The following SEC14L5 variants were observed in gnomAD, a reference collection of about 807,000 sequenced individuals.
SEC14L5 encodes the protein SEC14-like protein 5.
SEC14L5 carries 96 observed loss-of-function variants against 84.6 expected under a neutral mutation model. That is an observed-to-expected ratio of 1.13 (90% CI 0.96 to 1.34). SEC14L5 has a LOEUF of 1.34. Among genes scored for constraint, SEC14L5 ranks in the 40% most tolerant of loss-of-function variants. The pLI, the probability that SEC14L5 is intolerant of heterozygous loss-of-function variation, is 0.00. For missense variants in SEC14L5, 1,224 were observed against 942.5 expected, an observed-to-expected ratio of 1.30 and a Z score of -3.91; for synonymous variants, 546 against 383.4, an observed-to-expected ratio of 1.42 and a Z score of -4.95.
intron 6 of SEC14L5, 35 bp from the exon 7 acceptor site, chr16:4,996,313 C>G: frequency 8.1e-7 from 1 of 1,239,792 alleles, no homozygotes. Context: ...CGCAGCGTCT[C>G]CCTCTTGTCC....
intron 15 of SEC14L5, 25 bp from the exon 16 acceptor site, chr16:5,014,834 C>A: frequency 6.3e-7 from 1 of 1,574,824 alleles, no homozygotes; most frequent in Non-Finnish European, 8.7e-7. Flanking sequence ...GAGAGGGTAA[C>A]GTGTGCCACG....
At chr16:4,967,292 C>G (rs1360084870) in intron 2 of SEC14L5, among the ~76,000 whole-genome samples, 1 of 152,180 alleles carries the variant, frequency 6.6e-6, no homozygotes. Context: ...CACATAATGA[C>G]TCACTGTGTC....
chr16:4,996,725 C>T, intron 7 of SEC14L5, 130 bp from the exon 8 acceptor site: 2 of 725,952 alleles, frequency 2.8e-6, no homozygotes, highest in South Asian at 1.9e-5. Flanking sequence ...GCGCACACCA[C>T]CACGCCTGGC....
chr16:4,966,057 AAAAAATGTT>A (rs903807942), intron 2 of SEC14L5, among the ~76,000 whole-genome samples: 5 of 152,274 alleles, frequency 3.3e-5, no homozygotes, highest in South Asian at 4.2e-4. Flanking sequence ...ATAAAATTAA[AAAAAATGTT>A]AAAAATGTTA....
intron 2 of SEC14L5, among the ~76,000 whole-genome samples, chr16:4,981,255 GTTTTTTTTTTTTT>G (rs58882220): frequency 3.1e-4 from 29 of 92,902 alleles, no homozygotes; most frequent in Non-Finnish European, 2.3e-4. Context: ...TAGCTAATTG[GTTTTTTTTTTTTT>G]TTTTTTTTTT....
At chr16:4,966,653 G>A (rs1468216409) in intron 2 of SEC14L5, among the ~76,000 whole-genome samples, 2 of 152,064 alleles carry the variant, frequency 1.3e-5, no homozygotes, top group African/African-American at 2.4e-5. Flanking sequence ...CAGCCCATTC[G>A]ACAGAGGAGG....
intron 2 of SEC14L5, among the ~76,000 whole-genome samples, chr16:4,979,973 T>C (rs146700796): frequency 9.9e-5 from 15 of 152,134 alleles, no homozygotes; most frequent in African/African-American, 3.4e-4. Flanking sequence ...CACCGATGCT[T>C]GTGACGTAGC....
In SEC14L5 at chr16:4,968,337, G is replaced by A. The variant is rs187119702; in HGVS notation, c.63+8951G>A. ...TGGGATTACAGGCATGCACCACCAC[G>A]CCAGGCTAATTTTGTATTTTTAGCA... On this transcript the variant is annotated intron_variant, in intron 2 of 15. Coordinates refer to ENST00000251170, the MANE Select transcript of SEC14L5 (RefSeq NM_014692.2). Among the ~76,000 whole-genome samples, 24 of 152,058 alleles carry A rather than the reference G, an allele frequency of 1.6e-4. No individual in the cohort carries two copies. In the East Asian group the frequency reaches 4.1e-3, roughly 26 times the overall value.
Position 4,996,363 on chromosome 16 carries a change from C to G in SEC14L5, c.683C>G (p.Ala228Gly). The part of the protein sequence containing the change: ...AVSMDGDKLD[A>G]DYIERCLGHL... ...CTCCTCCAAGGGGACAAGCTGGATGCGGACTACATTGAGAGGTGCCTGGGC... is the reference window on the plus strand; with the variant it reads ...CTCCTCCAAGGGGACAAGCTGGATGGGGACTACATTGAGAGGTGCCTGGGC... The change falls in exon 7 of 16, where the codon GCG becomes GGG. Residue 228 changes from alanine to glycine, a missense_variant. Transcript: ENST00000251170. 1 of 1,557,350 alleles carries G rather than the reference C, an allele frequency of 6.4e-7. No homozygotes were observed. The highest frequency in any genetic ancestry group is 8.7e-7 in the Non-Finnish European group (1 of 1,150,210).
chr16:4,967,181 A>C (rs1405871163), intron 2 of SEC14L5, among the ~76,000 whole-genome samples: 4 of 152,212 alleles, frequency 2.6e-5, no homozygotes, highest in Non-Finnish European at 5.9e-5. Flanking sequence ...AGGTGTGGGC[A>C]GGCCCACACT....
Position 5,011,088 on chromosome 16 carries a change from G to A in SEC14L5, c.1801-7G>A, listed in dbSNP as rs1348786827. Reference sequence around the variant, plus strand: ...CAGGGCCTCAGGGCAGGGCTGATGTGTTTCAGGGCTCCCATGTGACCCGGT... The same window carrying A: ...CAGGGCCTCAGGGCAGGGCTGATGTATTTCAGGGCTCCCATGTGACCCGGT... On this transcript the variant is annotated splice_region_variant and splice_polypyrimidine_tract_variant and intron_variant, in intron 14 of 15. Transcript: ENST00000251170. 1 of 1,592,466 alleles carries A rather than the reference G, an allele frequency of 6.3e-7. No individual in the cohort carries two copies. Among genetic ancestry groups the A allele is most frequent in the Non-Finnish European group, 8.5e-7 (1 of 1,169,846 alleles).
Position 4,982,253 on chromosome 16 carries a change from G to T in SEC14L5, c.64-5304G>T, listed in dbSNP as rs531673992. ...CTCTTCCTGGGAGCCAGGAGGGAAG[G>T]GGGAGGAGGTGTCTGTCCTCAGATG... On this transcript the variant is annotated intron_variant, in intron 2 of 15. Transcript: ENST00000251170. Among the ~76,000 whole-genome samples the T allele has an allele frequency of 3.9e-4, 59 of 152,260 alleles. 1 individual carries two copies. Among genetic ancestry groups the T allele is most frequent in the South Asian group, 2.1e-4 (1 of 4,828 alleles).
At chr16:4,967,498 T>C (rs369085330) in intron 2 of SEC14L5, among the ~76,000 whole-genome samples, 2 of 150,852 alleles carry the variant, frequency 1.3e-5, no homozygotes, top group African/African-American at 4.9e-5. Context: ...TCAGGGAATC[T>C]GACCCCACAG....
At position 4,971,129 on chromosome 16, in the gene SEC14L5, C is replaced by T. The variant is rs370233836; in HGVS notation, c.63+11743C>T. 7.3e-5 allele frequency among the ~76,000 whole-genome samples: 11 copies of T among 150,958 alleles called. No individual in the cohort carries two copies. The East Asian group carries it at 1.2e-3, about 16-fold the overall frequency. On this transcript the variant is annotated intron_variant, in intron 2 of 15. Transcript: ENST00000251170. Reference sequence around the variant, plus strand: ...AAAAAAGAACTAGCTGACTTTGGTCCTGTTGCAGCCATGGGTTAGGGAACT... The same window carrying T: ...AAAAAAGAACTAGCTGACTTTGGTCTTGTTGCAGCCATGGGTTAGGGAACT...
intron 2 of SEC14L5, among the ~76,000 whole-genome samples, chr16:4,966,193 C>T (rs991904991): frequency 6.6e-6 from 1 of 151,528 alleles, no homozygotes; most frequent in Non-Finnish European, 1.5e-5. Flanking sequence ...GTGTCAATCT[C>T]CTGACCTCAT....
chr16:5,007,013 G>T (rs972311758), intron 12 of SEC14L5, among the ~76,000 whole-genome samples: 1 of 152,124 alleles, frequency 6.6e-6, no homozygotes, highest in African/African-American at 2.4e-5. Flanking sequence ...AGGCCCCCCA[G>T]CCTGGCTGTC....
rs1027730612 is a variant in SEC14L5, at chr16:5,016,067, A to T, written c.*1097A>T. 2 of 152,190 alleles carry T rather than the reference A, an allele frequency of 1.3e-5. No individual in the cohort carries two copies. The highest frequency in any genetic ancestry group is 4.8e-5 in the African/African-American group (2 of 41,438). 9.4% of individuals were successfully genotyped at this position (152,190 alleles called of 1,614,324 possible). On this transcript the variant is annotated 3_prime_UTR_variant, in exon 16 of 16. Coordinates refer to ENST00000251170, the MANE Select transcript of SEC14L5 (RefSeq NM_014692.2). Reference sequence around the variant, plus strand: ...CAAAAGCATGATCATTCATGGGTGCATAGAACTGGCCAGTCCAGGAGGGCT... The same window carrying T: ...CAAAAGCATGATCATTCATGGGTGCTTAGAACTGGCCAGTCCAGGAGGGCT...
At position 4,981,140 on chromosome 16, in the gene SEC14L5, G is replaced by T. The variant is rs868389031; in HGVS notation, c.64-6417G>T. 2.0e-5 allele frequency among the ~76,000 whole-genome samples: 3 copies of T among 151,872 alleles called. No homozygotes were observed. In the South Asian group the frequency reaches 6.2e-4, roughly 32 times the overall value. ...CTTTCTTTATTTATTTATTTGAGATGGAGTCTTGCTCTGTCGCCCACGCTG... is the reference window on the plus strand; with the variant it reads ...CTTTCTTTATTTATTTATTTGAGATTGAGTCTTGCTCTGTCGCCCACGCTG... On this transcript the variant is annotated intron_variant, in intron 2 of 15. Coordinates refer to ENST00000251170, the MANE Select transcript of SEC14L5 (RefSeq NM_014692.2).
At chr16:4,984,828 G>A in intron 2 of SEC14L5, among the ~76,000 whole-genome samples, 1 of 152,062 alleles carries the variant, frequency 6.6e-6, no homozygotes, top group East Asian at 1.9e-4. Flanking sequence ...TTTTTGTGTT[G>A]GTATATTTTC....
Sources: gnomAD v4.1 joint callset for allele counts (sites outside exome capture counted in the v4.1 genomes callset) on GRCh38, gnomAD v4.1.1 for gene constraint, MANE v1.5 for transcripts, NCBI Gene and HGNC (gene_info 2026-07-23, HGNC 2026-07-21) for gene names.